Variants in SPTY2D1 observed in about 807,000 individuals in gnomAD.
SPTY2D1 encodes the protein SPT2 chromatin protein domain containing 1, also known as protein SPT2 homolog.
In SPTY2D1, 21 loss-of-function variants were observed where a neutral mutation model predicts 64.0. The ratio of observed to expected loss-of-function variants is 0.33; its 90% confidence interval spans 0.23 to 0.47. SPTY2D1 has a LOEUF of 0.47. Among genes scored for constraint, SPTY2D1 ranks in the 20% least tolerant of loss-of-function variants. The pLI, the probability that SPTY2D1 is intolerant of heterozygous loss-of-function variation, is 1.00. For synonymous variants in SPTY2D1, 287 were observed against 286.8 expected (o/e 1.00, Z -0.01); for missense variants, 724 against 837.2 (o/e 0.86, Z 1.67).
At position 18,632,222 on chromosome 11, in the gene SPTY2D1, T is replaced by C. The variant is rs182752373; in HGVS notation, c.60+1976A>G. Among the ~76,000 whole-genome samples the C allele has an allele frequency of 2.8e-3, 426 of 152,252 alleles. 3 individuals are homozygous for C. Among genetic ancestry groups the C allele is most frequent in the African/African-American group, 9.8e-3 (405 of 41,530 alleles). ...TCCTATTCCTCAATAGTTTCTTTTG[T>C]GACTTTAATTCCACATAAAAAGATA... On this transcript the variant is annotated intron_variant, in intron 1 of 5. Coordinates refer to ENST00000336349, the MANE Select transcript of SPTY2D1 (RefSeq NM_194285.3).
intron 1 of SPTY2D1, among the ~76,000 whole-genome samples, chr11:18,627,899 TTAGCTGGGCATGGTGG>T (rs1165205658): frequency 6.9e-6 from 1 of 144,936 alleles, no homozygotes; most frequent in African/African-American, 2.5e-5. Flanking sequence ...AATACAAAAA[TTAGCTGGGCATGGTGG>T]TGCATGCCTG....
Position 18,616,888 on chromosome 11 carries a change from C to T in SPTY2D1, c.162G>A (p.Glu54=), listed in dbSNP as rs372031721. ...VQAFLKRKEE[E]LRRKALEEKR... ...ATAGATACATACCTTTTCGTCTCAGCTCCTCTTCTTTCCTTTTAAGAAAAG... is the reference window on the plus strand; with the variant it reads ...ATAGATACATACCTTTTCGTCTCAGTTCCTCTTCTTTCCTTTTAAGAAAAG... Residue 54 remains glutamate, a synonymous_variant, in exon 2 of 6, where the codon GAG becomes GAA. Transcript: ENST00000336349. 2 of 1,614,004 alleles carry T rather than the reference C, an allele frequency of 1.2e-6. No individual in the cohort carries two copies. Among genetic ancestry groups the T allele is most frequent in the Admixed American group, 1.7e-5 (1 of 59,990 alleles).
intron 1 of SPTY2D1, among the ~76,000 whole-genome samples, chr11:18,621,346 AAAAGAAAAG>A (rs1298437517): frequency 2.0e-5 from 3 of 150,226 alleles, no homozygotes; most frequent in African/African-American, 7.5e-5. Flanking sequence ...AAAAGAAAAG[AAAAGAAAAG>A]AAAAGAAAAG....
Position 18,615,577 on chromosome 11 carries a change from A to C in SPTY2D1, c.697T>G (p.Ser233Ala). The C allele has an allele frequency of 1.2e-6, 2 of 1,614,152 alleles. No individual in the cohort carries two copies. The highest frequency in any genetic ancestry group is 1.7e-6 in the Non-Finnish European group (2 of 1,180,010). ...LPPTVSKKAP[S>A]QKESVGTKLS... ...TTTGTGCCCACACTTTCTTTCTGAG[A>C]GGGTGCCTTTTTGGACACAGTTGGA... is the stretch of plus-strand genomic sequence containing the variant. Residue 233 changes from serine to alanine, a missense_variant, in exon 3 of 6, where the codon TCT (serine) becomes GCT (alanine). This residue lies in a region of SPTY2D1 where 426 missense variants were observed against 431.8 expected (regional missense o/e 0.99). Transcript: ENST00000336349.
At chr11:18,623,521 T>C (rs1303401143) in intron 1 of SPTY2D1, among the ~76,000 whole-genome samples, 1 of 152,254 alleles carries the variant, frequency 6.6e-6, no homozygotes, top group Admixed American at 6.5e-5. Flanking sequence ...ACATTAAGCA[T>C]TACTGTGAAG....
In SPTY2D1 at chr11:18,627,649, G is replaced by T. The variant is rs186488880; in HGVS notation, c.60+6549C>A. 8.7e-4 allele frequency among the ~76,000 whole-genome samples: 133 copies of T among 152,124 alleles called. No homozygotes were observed. In the Middle Eastern group the frequency reaches 0.01, roughly 12 times the overall value. ...ATTCCACCACTTTGGGAGGCCGAGG[G>T]GGGTGGATCATGAGGTTAGGAGATC... On this transcript the variant is annotated intron_variant, in intron 1 of 5. Coordinates refer to ENST00000336349, the MANE Select transcript of SPTY2D1 (RefSeq NM_194285.3).
rs1854106329 is a variant in SPTY2D1, at chr11:18,606,489, C to T, written c.*3372G>A. 5.4e-6 allele frequency: 1 copy of T among 184,906 alleles called. No individual in the cohort carries two copies. 11.5% of individuals were successfully genotyped at this position (184,906 alleles called of 1,614,324 possible). A position where few individuals can be genotyped will look rare whatever the true frequency, so the allele number is the denominator to read the frequency against. ...GTATATGCAAAAGTATATTCTCTTG[C>T]AGGTCAACAGCACCAGAAAACAAGC... On this transcript the variant is annotated 3_prime_UTR_variant, in exon 6 of 6. Coordinates refer to ENST00000336349, the MANE Select transcript of SPTY2D1 (RefSeq NM_194285.3).
At chr11:18,611,626 A>T (rs1351228878) in intron 4 of SPTY2D1, 72 bp from the exon 5 acceptor site, 13 of 1,241,316 alleles carry the variant, frequency 1.0e-5, no homozygotes, top group Non-Finnish European at 1.5e-5. Flanking sequence ...CCTCTCATTT[A>T]AAAAATCAAT....
In SPTY2D1 at chr11:18,608,798, A is replaced by G. The variant is rs965450528; in HGVS notation, c.*1063T>C. 1 of 152,648 alleles carries G rather than the reference A, an allele frequency of 6.6e-6. No individual in the cohort carries two copies. The highest frequency in any genetic ancestry group is 1.5e-5 in the Non-Finnish European group (1 of 68,046). The allele number at this position is 152,648 out of a possible 1,614,324, so 9.5% of individuals were successfully genotyped here. On this transcript the variant is annotated 3_prime_UTR_variant, in exon 6 of 6. Transcript: ENST00000336349. The stretch of plus-strand genomic sequence containing the variant: ...CCTACCTGGGGAAAAAAATCTCTTC[A>G]CAGTGCATAGTTTGAAATCAAAGTG...
chr11:18,611,933 G>A (rs866459310), intron 4 of SPTY2D1, among the ~76,000 whole-genome samples: 12 of 152,138 alleles, frequency 7.9e-5, no homozygotes, highest in Non-Finnish European at 8.8e-5. Context: ...ACCATCATGA[G>A]GTGGGGAAAG....
At chr11:18,627,258 CA>C (rs1192277676) in intron 1 of SPTY2D1, among the ~76,000 whole-genome samples, 10,079 of 48,754 alleles carry the variant, frequency 0.21, 421 homozygotes, top group East Asian at 0.33. Flanking sequence ...ACTAAAAATA[CA>C]AAAAAAAAAA....
intron 1 of SPTY2D1, among the ~76,000 whole-genome samples, chr11:18,632,514 A>G (rs1486043431): frequency 6.6e-6 from 1 of 152,032 alleles, no homozygotes; most frequent in African/African-American, 2.4e-5. Context: ...ATGCCCGGCT[A>G]ATTTTTGTAT....
intron 1 of SPTY2D1, among the ~76,000 whole-genome samples, chr11:18,622,654 A>G (rs938463165): frequency 2.0e-5 from 3 of 152,132 alleles, no homozygotes; most frequent in African/African-American, 4.8e-5. Context: ...CACCCTGTGC[A>G]GTAAGAAAAA....
At chr11:18,616,732 G>GACACACAC (rs72301459) in intron 2 of SPTY2D1, 143 bp downstream of exon 2, 504 of 487,426 alleles carry the variant, frequency 1.0e-3, no homozygotes, top group African/African-American at 1.4e-3. Flanking sequence ...AGTTAACCTG[G>GACACACAC]ACACACACAC....
intron 1 of SPTY2D1, among the ~76,000 whole-genome samples, chr11:18,632,064 T>C (rs1854596683): frequency 6.6e-6 from 1 of 151,824 alleles, no homozygotes; most frequent in Non-Finnish European, 1.5e-5. Flanking sequence ...GAGAATTGCT[T>C]GAACTCAGCA....
intron 1 of SPTY2D1, among the ~76,000 whole-genome samples, chr11:18,620,480 AAAAAAC>A (rs750240836): frequency 3.3e-5 from 5 of 151,980 alleles, no homozygotes; most frequent in Admixed American, 6.6e-5. Context: ...CTCGGTCTCA[AAAAAAC>A]AAAAACAAAA....
At chr11:18,621,633 C>T (rs1854406578) in intron 1 of SPTY2D1, among the ~76,000 whole-genome samples, 1 of 152,152 alleles carries the variant, frequency 6.6e-6, no homozygotes, top group Admixed American at 6.5e-5. Context: ...CCTTATGATG[C>T]AGCAGAAACT....
chr11:18,615,063 G>A lies in SPTY2D1; in HGVS notation c.1211C>T (p.Ser404Phe). 6.2e-7 allele frequency: 1 copy of A among 1,614,156 alleles called. No homozygotes were observed. Among genetic ancestry groups the A allele is most frequent in the South Asian group, 1.1e-5 (1 of 91,084 alleles). ...GATTGATCGCTCAGGTCCTGAGCTG[G>A]AGCTGCCATTCTGGCGCCTAGGCAC... The part of the protein sequence containing the change: ...GPVPRRQNGS[S>F]SSGPERSISG... Residue 404 changes from serine (S) to phenylalanine (F), a missense_variant, in exon 3 of 6, where the codon TCC becomes TTC. Ser to Phe is a radical substitution (Grantham distance 155). This residue lies in a region of SPTY2D1 where 426 missense variants were observed against 431.8 expected (regional missense o/e 0.99). Coordinates refer to ENST00000336349, the MANE Select transcript of SPTY2D1 (RefSeq NM_194285.3).
rs762558893 is a variant in SPTY2D1, at chr11:18,616,105, G to C, written c.176-7C>G. ...CTCCTTTTCTCCTCTAAGGCTAAAA[G>C]GGACAAAACAAGAATATGTTATTAC... is the stretch of plus-strand genomic sequence containing the variant. On this transcript the variant is annotated splice_polypyrimidine_tract_variant and splice_region_variant and intron_variant, in intron 2 of 5. Coordinates refer to ENST00000336349, the MANE Select transcript of SPTY2D1 (RefSeq NM_194285.3). 1.3e-6 allele frequency: 2 copies of C among 1,584,194 alleles called. No homozygotes were observed. The highest frequency in any genetic ancestry group is 1.7e-6 in the Non-Finnish European group (2 of 1,166,784).
Sources: allele counts gnomAD v4.1 joint callset (sites outside exome capture counted in the v4.1 genomes callset), GRCh38; gene constraint gnomAD v4.1.1; regional missense constraint gnomAD v4.1.1; transcripts MANE v1.5; gene names NCBI Gene and HGNC (gene_info 2026-07-23, HGNC 2026-07-21).